TRIOBP: variants seen among roughly 807,000 people sequenced by gnomAD.
The protein encoded by TRIOBP is TRIO and F-actin binding protein, also known as TRIO and F-actin-binding protein.
In TRIOBP, 169 loss-of-function variants were observed where a neutral mutation model predicts 238.8. The ratio of observed to expected loss-of-function variants is 0.71; its 90% CI spans 0.62 to 0.80. The LOEUF is 0.80. TRIOBP is among the 30% of genes least tolerant of loss of function. TRIOBP has a pLI of 0.00. For synonymous variants in TRIOBP, 1,150 were observed against 1,274.4 expected (o/e 0.90, Z 2.08); for missense variants, 2,838 against 3,122.6 (o/e 0.91, Z 2.17).
Position 37,769,277 on chromosome 22 carries a change from C to T in TRIOBP, c.6751C>T (p.Leu2251=). 6.2e-7 allele frequency: 1 copy of T among 1,611,664 alleles called. No individual in the cohort carries two copies. Among genetic ancestry groups the T allele is most frequent in the Non-Finnish European group, 8.5e-7 (1 of 1,179,352 alleles). ...CCTCTCCCAGGAGCTGCATGGCCGC[C>T]TGTCAGAGGAGATAGACCAGCTGCG... is the stretch of plus-strand genomic sequence containing the variant. ...LRHNQELHGR[L]SEEIDQLRGF... The change falls in exon 21 of 24, where the codon CTG becomes TTG. Residue 2251 remains leucine (L), a synonymous_variant. Coordinates refer to ENST00000644935, the MANE Select transcript of TRIOBP (RefSeq NM_001039141.3).
chr22:37,762,575 C>A (rs946347140), intron 17 of TRIOBP, among the ~76,000 whole-genome samples: 7 of 152,120 alleles, frequency 4.6e-5, no homozygotes, highest in African/African-American at 1.4e-4. Flanking sequence ...TTGGGTGCAC[C>A]AAAGTCTGTC....
intron 2 of TRIOBP, among the ~76,000 whole-genome samples, chr22:37,698,593 T>A (rs1601613156): frequency 6.6e-6 from 1 of 152,118 alleles, no homozygotes; most frequent in Admixed American, 6.5e-5. Context: ...CCTCAAGTGA[T>A]CTGCCTGCCT....
Position 37,769,798 on chromosome 22 carries a change from A to C in TRIOBP, c.6849+423A>C, listed in dbSNP as rs1423684510. Among the ~76,000 whole-genome samples the C allele has an allele frequency of 5.3e-5, 8 of 151,936 alleles. No individual in the cohort carries two copies. The South Asian group carries it at 8.3e-4, about 16-fold the overall frequency. The stretch of plus-strand genomic sequence containing the variant: ...GGCTGGAGTGTAGTGACACGATCTC[A>C]GTTCACTGCAACCTCTGCCTCCCTG... On this transcript the variant is annotated intron_variant, in intron 21 of 23. Transcript: ENST00000644935.
Position 37,774,353 on chromosome 22 carries a change from G to C in TRIOBP, c.*573G>C, listed in dbSNP as rs767863524. The C allele has an allele frequency of 6.6e-6, 1 of 152,236 alleles. No individual in the cohort carries two copies. The highest frequency in any genetic ancestry group is 6.5e-5 in the Admixed American group (1 of 15,280). The allele number at this position is 152,236 out of a possible 1,614,324, so 9.4% of individuals were successfully genotyped here. ...AACACTTCCTGCCCCATTTGGACCC[G>C]TACCATGGGGCTCAGGACAGAGGGA... On this transcript the variant is annotated 3_prime_UTR_variant, in exon 24 of 24. Coordinates refer to ENST00000644935, the MANE Select transcript of TRIOBP (RefSeq NM_001039141.3).
intron 12 of TRIOBP, 90 bp downstream of exon 12, chr22:37,751,918 G>A: frequency 2.3e-6 from 3 of 1,301,100 alleles, no homozygotes; most frequent in Non-Finnish European, 3.3e-6. Context: ...GGCTGGGGCT[G>A]GTGTGAGAAC....
chr22:37,726,481 C>T lies in TRIOBP; in HGVS notation c.3925C>T (p.Arg1309Cys), dbSNP rs1924172964. The T allele has an allele frequency of 1.8e-5, 28 of 1,535,744 alleles. No homozygotes were observed. The highest frequency in any genetic ancestry group is 4.8e-5 in the East Asian group (2 of 41,920). The change falls in exon 7 of 24, where the codon CGC (arginine) becomes TGC (cysteine). Residue 1309 changes from arginine to cysteine, a missense_variant. Transcript: ENST00000644935. ...THSPGRAEVE[R>C]LFGQERRKSE... The stretch of plus-strand genomic sequence containing the variant: ...CAGCCCTGGCCGTGCAGAGGTGGAG[C>T]GCCTCTTCGGGCAAGAGCGCAGGTG...
intron 8 of TRIOBP, among the ~76,000 whole-genome samples, chr22:37,733,955 C>T (rs1924542404): frequency 1.3e-5 from 2 of 152,212 alleles, no homozygotes; most frequent in Admixed American, 1.3e-4. Context: ...GCGTGAACCA[C>T]GGCACCTGGC....
chr22:37,749,586 C>T (rs1430504788), intron 11 of TRIOBP, among the ~76,000 whole-genome samples: 3 of 152,058 alleles, frequency 2.0e-5, no homozygotes, highest in African/African-American at 4.8e-5. Context: ...TATGAAGGGG[C>T]ATCGTGGGAG....
At chr22:37,723,083 G>A (rs1923916347) in intron 6 of TRIOBP, 102 bp from the exon 7 acceptor site, 1 of 1,161,226 alleles carries the variant, frequency 8.6e-7, no homozygotes, top group African/African-American at 1.5e-5. Flanking sequence ...AGGAGGGTGT[G>A]GGGTTTGCCC....
At chr22:37,759,862 G>T (rs1397487231) in intron 17 of TRIOBP, 12 of 803,466 alleles carry the variant, frequency 1.5e-5, no homozygotes, top group Admixed American at 4.2e-5. Flanking sequence ...AAACGTGTGT[G>T]TGTACACATA....
chr22:37,754,994 T>A lies in TRIOBP; in HGVS notation c.5487+10T>A. On this transcript the variant is annotated intron_variant, in intron 13 of 23. Transcript: ENST00000644935. ...CTCCACTGCTGAGGAGGTGAGGCCA[T>A]GGGTGTACTGATGAACCCCCGGAAG... 1 of 1,613,746 alleles carries A rather than the reference T, an allele frequency of 6.2e-7. No homozygotes were observed. Among genetic ancestry groups the A allele is most frequent in the Non-Finnish European group, 8.5e-7 (1 of 1,179,782 alleles).
At chr22:37,752,877 A>G (rs1240779410) in intron 12 of TRIOBP, among the ~76,000 whole-genome samples, 2 of 152,220 alleles carry the variant, frequency 1.3e-5, no homozygotes, top group Non-Finnish European at 2.9e-5. Context: ...CCCTTGGTGC[A>G]CAGACAGGAG....
chr22:37,702,480 A>G (rs1465321261), intron 3 of TRIOBP, among the ~76,000 whole-genome samples: 2 of 152,170 alleles, frequency 1.3e-5, no homozygotes, highest in African/African-American at 4.8e-5. Flanking sequence ...TTGGGATTAC[A>G]GGCGTGAGCC....
chr22:37,720,725 C>G (rs949724798), intron 6 of TRIOBP, among the ~76,000 whole-genome samples: 1 of 152,120 alleles, frequency 6.6e-6, no homozygotes, highest in Non-Finnish European at 1.5e-5. Context: ...GTTGCCCAGG[C>G]TGGTCTCCAA....
intron 15 of TRIOBP, 137 bp downstream of exon 15, chr22:37,755,796 G>T: frequency 1.3e-6 from 1 of 748,514 alleles, no homozygotes; most frequent in Non-Finnish European, 2.4e-6. Context: ...AGAGAGTAGT[G>T]AGCATTCTCG....
chr22:37,700,504 C>T (rs1266089660), intron 2 of TRIOBP, among the ~76,000 whole-genome samples: 7 of 151,724 alleles, frequency 4.6e-5, no homozygotes, highest in Admixed American at 6.6e-5. Flanking sequence ...CAGCCTCGAC[C>T]TCCCAGACTC....
intron 23 of TRIOBP, among the ~76,000 whole-genome samples, chr22:37,773,568 C>T (rs557393102): frequency 7.9e-5 from 12 of 152,306 alleles, no homozygotes; most frequent in Admixed American, 3.3e-4. Flanking sequence ...CCTGGAGCAT[C>T]CTCTTTCTGA....
intron 11 of TRIOBP, chr22:37,746,114 C>T: frequency 1.2e-5 from 11 of 917,756 alleles, no homozygotes; most frequent in Non-Finnish European, 1.4e-5. Flanking sequence ...GTCCCGCCCC[C>T]GGCCCGTCTC....
At chr22:37,742,280 T>A (rs1924975676) in intron 11 of TRIOBP, among the ~76,000 whole-genome samples, 1 of 140,216 alleles carries the variant, frequency 7.1e-6, no homozygotes, top group African/African-American at 2.9e-5. Flanking sequence ...TTTTTTTAAA[T>A]TAAGATAGAG....
Sources: gnomAD v4.1 joint callset for allele counts (sites outside exome capture counted in the v4.1 genomes callset) on GRCh38, gnomAD v4.1.1 for gene constraint, MANE v1.5 for transcripts, NCBI Gene and HGNC (gene_info 2026-07-23, HGNC 2026-07-21) for gene names.